Variants in PPP4R1 observed in about 807,000 individuals in gnomAD.
The protein encoded by PPP4R1 is serine/threonine-protein phosphatase 4 regulatory subunit 1.
PPP4R1 carries 42 observed loss-of-function variants against 111.2 expected under a neutral mutation model. That is an observed-to-expected ratio of 0.38 (90% confidence interval 0.29 to 0.49). The LOEUF is 0.49. Among genes scored for constraint, PPP4R1 ranks in the 20% least tolerant of loss-of-function variants. The probability of loss-of-function intolerance (pLI) is 0.97; values close to 1 mark genes in which losing one functional copy is unlikely to be tolerated. For missense variants in PPP4R1, 1,012 were observed against 1,161.6 expected (o/e 0.87, Z 1.87); for synonymous variants, 409 against 405.5 (o/e 1.01, Z -0.10).
chr18:9,583,063 C>A, intron 9 of PPP4R1, 54 bp downstream of exon 9: 2 of 1,444,248 alleles, frequency 1.4e-6, no homozygotes, highest in Non-Finnish European at 1.9e-6. Context: ...ATTATGTTTG[C>A]TTTAAAACGG....
intron 13 of PPP4R1, among the ~76,000 whole-genome samples, chr18:9,561,039 G>A (rs748550763): frequency 1.3e-5 from 2 of 151,432 alleles, no homozygotes; most frequent in Non-Finnish European, 2.9e-5. Context: ...CCAACACGGC[G>A]AAACACTGTC....
intron 15 of PPP4R1, among the ~76,000 whole-genome samples, chr18:9,554,719 C>G (rs1274425831): frequency 2.0e-5 from 3 of 152,174 alleles, no homozygotes; most frequent in Admixed American, 2.0e-4. Context: ...TAAAAAGGAC[C>G]ACAGTTCCTT....
intron 15 of PPP4R1, among the ~76,000 whole-genome samples, chr18:9,555,032 T>C (rs1174940888): frequency 6.6e-6 from 1 of 152,256 alleles, no homozygotes; most frequent in Non-Finnish European, 1.5e-5. Flanking sequence ...CCCAGCATAG[T>C]GGCTCACATC....
chr18:9,572,341 A>G (rs1238298586), intron 10 of PPP4R1, among the ~76,000 whole-genome samples: 1 of 152,232 alleles, frequency 6.6e-6, no homozygotes, highest in African/African-American at 2.4e-5. Flanking sequence ...AATGATGAGC[A>G]TATTTTTAGG....
At position 9,547,787 on chromosome 18, in the gene PPP4R1, T is replaced by A. The variant is rs73939879; in HGVS notation, c.*2A>T. Reference sequence around the variant, plus strand: ...CAGGAAAGACACCGAGATTCAAGCCTTCTAGTAGGTTGAGGACGCTGTGCT... The same window carrying A: ...CAGGAAAGACACCGAGATTCAAGCCATCTAGTAGGTTGAGGACGCTGTGCT... On this transcript the variant is annotated 3_prime_UTR_variant, in exon 20 of 20. Coordinates refer to ENST00000400556, the MANE Select transcript of PPP4R1 (RefSeq NM_001042388.3). 2,346 of 1,612,654 alleles carry A rather than the reference T, an allele frequency of 1.5e-3. 32 individuals carry two copies. The African/African-American group carries it at 0.027, about 19-fold the overall frequency.
intron 3 of PPP4R1, 78 bp downstream of exon 3, chr18:9,594,940 G>A: frequency 1.3e-6 from 2 of 1,511,738 alleles, no homozygotes; most frequent in Non-Finnish European, 1.8e-6. Flanking sequence ...CCTTTAAAGT[G>A]GATACTTTCA....
At chr18:9,612,239 A>C (rs2067593945) in intron 2 of PPP4R1, among the ~76,000 whole-genome samples, 1 of 152,156 alleles carries the variant, frequency 6.6e-6, no homozygotes, top group Non-Finnish European at 1.5e-5. Flanking sequence ...TGAAGTAGGT[A>C]ATATTTCTTA....
chr18:9,586,096 T>A (rs2145203787), intron 6 of PPP4R1, among the ~76,000 whole-genome samples: 1 of 152,154 alleles, frequency 6.6e-6, no homozygotes. Flanking sequence ...TGATGTAGCA[T>A]AACTAAATTT....
chr18:9,615,574 G>A (rs1478518789), upstream of PPP4R1, among the ~76,000 whole-genome samples: 2 of 152,088 alleles, frequency 1.3e-5, no homozygotes, highest in African/African-American at 4.8e-5. Flanking sequence ...TAGCTCAAAC[G>A]CCCAAGTACA....
chr18:9,570,800 T>C, intron 10 of PPP4R1, 117 bp from the exon 11 acceptor site: 1 of 1,118,592 alleles, frequency 8.9e-7, no homozygotes, highest in Non-Finnish European at 1.2e-6. Context: ...AAATTACGGA[T>C]TATCTGTACA....
intron 15 of PPP4R1, among the ~76,000 whole-genome samples, chr18:9,554,315 G>A (rs916073674): frequency 6.6e-6 from 1 of 151,936 alleles, no homozygotes; most frequent in African/African-American, 2.4e-5. Context: ...CTTTAGTAGA[G>A]ACGGGGATTC....
At chr18:9,566,586 G>C (rs892451342) in intron 11 of PPP4R1, among the ~76,000 whole-genome samples, 2 of 151,996 alleles carry the variant, frequency 1.3e-5, no homozygotes, top group Non-Finnish European at 2.9e-5. Context: ...GGGAGACAGA[G>C]GTTGCAGCGA....
chr18:9,575,122 A>G (rs886705447), intron 10 of PPP4R1, among the ~76,000 whole-genome samples: 1 of 152,200 alleles, frequency 6.6e-6, no homozygotes, highest in African/African-American at 2.4e-5. Context: ...GTCAGATGAA[A>G]CACTATACAA....
chr18:9,605,930 T>C (rs1474565816), intron 2 of PPP4R1, among the ~76,000 whole-genome samples: 3 of 152,048 alleles, frequency 2.0e-5, no homozygotes, highest in Admixed American at 6.6e-5. Flanking sequence ...TACATTACAT[T>C]GTGTGTGTGT....
At chr18:9,585,848 C>G (rs2067106861) in intron 6 of PPP4R1, among the ~76,000 whole-genome samples, 1 of 152,018 alleles carries the variant, frequency 6.6e-6, no homozygotes, top group South Asian at 2.1e-4. Context: ...CTGAAAACTA[C>G]AAAAGATTAA....
At chr18:9,562,219 C>T (rs867847286) in intron 12 of PPP4R1, 144 bp from the exon 13 acceptor site, 10 of 583,184 alleles carry the variant, frequency 1.7e-5, no homozygotes, top group South Asian at 1.4e-4. Flanking sequence ...TATAAACATA[C>T]CTAAGAACCT....
At chr18:9,595,260 A>T in intron 2 of PPP4R1, 107 bp from the exon 3 acceptor site, 1 of 1,168,470 alleles carries the variant, frequency 8.6e-7, no homozygotes, top group Non-Finnish European at 1.2e-6. Flanking sequence ...CAAAAAAAAA[A>T]TCACAAGAGA....
intron 8 of PPP4R1, among the ~76,000 whole-genome samples, chr18:9,583,996 A>T (rs934944605): frequency 1.3e-5 from 2 of 152,196 alleles, no homozygotes; most frequent in African/African-American, 4.8e-5. Flanking sequence ...ATGCAAAAGC[A>T]TACTGGATTG....
chr18:9,605,566 CAAAAAAAAAAAAAA>C (rs34208690), intron 2 of PPP4R1, among the ~76,000 whole-genome samples: 15 of 67,632 alleles, frequency 2.2e-4, no homozygotes, highest in Admixed American at 1.0e-3. Context: ...GCAGTCCTGT[CAAAAAAAAAAAAAA>C]AAAAAAAAAA....
Sources: allele counts gnomAD v4.1 joint callset (sites outside exome capture counted in the v4.1 genomes callset), GRCh38; gene constraint gnomAD v4.1.1; transcripts MANE v1.5; gene names NCBI Gene and HGNC (gene_info 2026-07-23, HGNC 2026-07-21).